The following VDAC1 variants were observed in gnomAD, a reference collection of about 807,000 sequenced individuals.
VDAC1 encodes voltage dependent anion channel 1.
Under a neutral mutation model 34.7 loss-of-function variants are expected in VDAC1, and 10 were observed. The observed-to-expected ratio is 0.29, with a 90% CI of 0.18 to 0.49. VDAC1 has a LOEUF of 0.49. Among genes scored for constraint, VDAC1 ranks in the 20% least tolerant of loss-of-function variants. The probability of loss-of-function intolerance (pLI) is 0.99; values close to 1 mark genes in which losing one functional copy is unlikely to be tolerated. For missense variants in VDAC1, 230 were observed against 347.9 expected (o/e 0.66, Z 2.69); for synonymous variants, 130 against 136.0 (o/e 0.96, Z 0.30).
At chr5:133,996,858 CA>C (rs1436963759) in intron 1 of VDAC1, among the ~76,000 whole-genome samples, 1 of 152,064 alleles carries the variant, frequency 6.6e-6, no homozygotes, top group Non-Finnish European at 1.5e-5. Flanking sequence ...GCAGCATCAC[CA>C]AGAGTGGGGG....
chr5:133,983,510 T>C (rs1752780299), intron 5 of VDAC1, among the ~76,000 whole-genome samples: 1 of 152,056 alleles, frequency 6.6e-6, no homozygotes, highest in Non-Finnish European at 1.5e-5. Flanking sequence ...GGGTTAAACA[T>C]ATTTTTCTGT....
In VDAC1 at chr5:133,992,295, G is replaced by T; in HGVS notation, c.117+11C>A. On this transcript the variant is annotated intron_variant, in intron 3 of 8. Coordinates refer to ENST00000265333, the MANE Select transcript of VDAC1 (RefSeq NM_003374.3). ...TAAATACTCATGTTCCATGTGGGTT[G>T]GACAACTTACCAATCCATTCTCAGA... 1 of 1,560,370 alleles carries T rather than the reference G, an allele frequency of 6.4e-7. No individual in the cohort carries two copies. The highest frequency in any genetic ancestry group is 1.2e-5 in the South Asian group (1 of 80,284).
At chr5:134,004,034 G>A (rs957411874) in intron 1 of VDAC1, among the ~76,000 whole-genome samples, 4 of 152,344 alleles carry the variant, frequency 2.6e-5, no homozygotes, top group African/African-American at 2.4e-5. Flanking sequence ...CCGAGCTCCG[G>A]CCTCTACCGC....
chr5:134,097,017 A>G, the VDAC1 span, among the ~76,000 whole-genome samples: 1 of 152,348 alleles, frequency 6.6e-6, no homozygotes, highest in African/African-American at 2.4e-5. Flanking sequence ...TCGTGGTCCC[A>G]GCGCACATCC....
the VDAC1 span, among the ~76,000 whole-genome samples, chr5:134,064,310 GTTTT>G: frequency 6.6e-6 from 1 of 150,520 alleles, no homozygotes; most frequent in African/African-American, 2.4e-5. Flanking sequence ...GTTTTTTGGG[GTTTT>G]TTTTTGAGAG....
the VDAC1 span, among the ~76,000 whole-genome samples, chr5:134,065,337 A>ATTTTTTT: frequency 7.9e-5 from 8 of 101,382 alleles, no homozygotes; most frequent in South Asian, 3.3e-4. Flanking sequence ...TTTAATTTTA[A>ATTTTTTT]TTTTTTTTTT....
At chr5:134,101,555 T>A in the VDAC1 span, among the ~76,000 whole-genome samples, 2 of 148,338 alleles carry the variant, frequency 1.3e-5, no homozygotes, top group African/African-American at 2.6e-5. Flanking sequence ...CGAGACTCTG[T>A]CTCAAAAAAA....
chr5:134,067,372 G>A, the VDAC1 span, among the ~76,000 whole-genome samples: 1 of 136,356 alleles, frequency 7.3e-6, no homozygotes, highest in Non-Finnish European at 1.5e-5. Flanking sequence ...ACCGCTCCCA[G>A]TCAGATCAAA....
At chr5:134,068,713 G>A in the VDAC1 span, among the ~76,000 whole-genome samples, 1 of 152,102 alleles carries the variant, frequency 6.6e-6, no homozygotes, top group Non-Finnish European at 1.5e-5. Flanking sequence ...TGCCTCTTCA[G>A]CCTGAGGAGT....
the VDAC1 span, among the ~76,000 whole-genome samples, chr5:134,076,750 T>C: frequency 3.9e-3 from 587 of 152,074 alleles, 6 homozygotes; most frequent in African/African-American, 0.013. Context: ...TATCATACCA[T>C]CCAAAGACTC....
the VDAC1 span, among the ~76,000 whole-genome samples, chr5:134,044,667 G>A: frequency 9.2e-5 from 14 of 152,192 alleles, no homozygotes; most frequent in African/African-American, 2.2e-4. Context: ...GTGTGTGCGC[G>A]CGCGCACAGG....
chr5:134,089,697 C>T, the VDAC1 span, among the ~76,000 whole-genome samples: 8 of 114,574 alleles, frequency 7.0e-5, no homozygotes, highest in Admixed American at 2.9e-4. Flanking sequence ...TGGCCGGGTG[C>T]GGTGGCTCAT....
the VDAC1 span, among the ~76,000 whole-genome samples, chr5:134,017,147 G>C: frequency 6.6e-6 from 1 of 152,184 alleles, no homozygotes; most frequent in Non-Finnish European, 1.5e-5. Flanking sequence ...TCAGCCCTCT[G>C]TTTCCTTCAT....
intron 5 of VDAC1, among the ~76,000 whole-genome samples, chr5:133,990,184 T>C (rs538786584): frequency 1.3e-5 from 2 of 152,342 alleles, no homozygotes; most frequent in Admixed American, 6.5e-5. Context: ...ACAAGCCTAT[T>C]ACATCTGTGG....
Position 133,975,218 on chromosome 5 carries a change from C to T in VDAC1, c.702+653G>A, listed in dbSNP as rs1017072597. On this transcript the variant is annotated intron_variant, in intron 7 of 8. Coordinates refer to ENST00000265333, the MANE Select transcript of VDAC1 (RefSeq NM_003374.3). Reference sequence around the variant, plus strand: ...AGGAGGATGAGGCTGCAGTGAGCTGCAATTACACCACTGCATCCAACCTGG... The same window carrying T: ...AGGAGGATGAGGCTGCAGTGAGCTGTAATTACACCACTGCATCCAACCTGG... Among the ~76,000 whole-genome samples the T allele has an allele frequency of 3.3e-5, 5 of 151,896 alleles. No individual in the cohort carries two copies. The South Asian group carries it at 1.0e-3, about 31-fold the overall frequency.
At chr5:134,038,237 T>A in the VDAC1 span, among the ~76,000 whole-genome samples, 1 of 152,226 alleles carries the variant, frequency 6.6e-6, no homozygotes, top group Non-Finnish European at 1.5e-5. Context: ...AGGAAAGGCC[T>A]CTGACATTAC....
chr5:133,973,913 A>C, intron 7 of VDAC1, 65 bp from the exon 8 acceptor site: 2 of 1,514,420 alleles, frequency 1.3e-6, no homozygotes, highest in Non-Finnish European at 9.0e-7. Flanking sequence ...CCATCTCCAA[A>C]ATTAGAGCTT....
At chr5:134,001,812 A>G (rs56326224) in intron 1 of VDAC1, among the ~76,000 whole-genome samples, 16,461 of 151,444 alleles carry the variant, frequency 0.11, 1,004 homozygotes, top group South Asian at 0.21. Context: ...GACCTGTGTT[A>G]TGGGCCTAAG....
chr5:134,029,987 C>G, the VDAC1 span, among the ~76,000 whole-genome samples: 1 of 152,118 alleles, frequency 6.6e-6, no homozygotes, highest in Non-Finnish European at 1.5e-5. Flanking sequence ...GTGACAGGTA[C>G]GTGAGACCTC....
Sources: gnomAD v4.1 joint callset for allele counts (sites outside exome capture counted in the v4.1 genomes callset) on GRCh38, gnomAD v4.1.1 for gene constraint, MANE v1.5 for transcripts, NCBI Gene and HGNC (gene_info 2026-07-23, HGNC 2026-07-21) for gene names.